Variants in YPEL1 observed in about 807,000 individuals in gnomAD.
The protein encoded by YPEL1 is protein yippee-like 1.
Under a neutral mutation model 17.3 loss-of-function variants are expected in YPEL1, and 7 were observed. That is an observed-to-expected ratio of 0.40 (90% CI 0.23 to 0.76). The LOEUF (loss-of-function observed/expected upper bound fraction) is 0.76. YPEL1 is among the 30% of genes least tolerant of loss of function. YPEL1 has a pLI of 0.35. For synonymous variants in YPEL1, 59 were observed against 59.6 expected (o/e 0.99, Z 0.05); for missense variants, 91 against 155.5 (o/e 0.59, Z 2.21).
intron 2 of YPEL1, among the ~76,000 whole-genome samples, chr22:21,706,619 G>T (rs1366929592): frequency 6.6e-6 from 1 of 151,804 alleles, no homozygotes; most frequent in Non-Finnish European, 1.5e-5. Flanking sequence ...GCCAGGGTGG[G>T]TGGATCACCT....
At chr22:21,716,836 C>G (rs886954934) in intron 1 of YPEL1, among the ~76,000 whole-genome samples, 2 of 152,210 alleles carry the variant, frequency 1.3e-5, no homozygotes, top group African/African-American at 4.8e-5. Flanking sequence ...CTCAACATCT[C>G]AAAGACCTGA....
Position 21,703,537 on chromosome 22 carries a change from C to A in YPEL1, c.162-59G>T. 1 of 1,488,552 alleles carries A rather than the reference C, an allele frequency of 6.7e-7. No homozygotes were observed. The highest frequency in any genetic ancestry group is 2.3e-5 in the East Asian group (1 of 43,940). 92.2% of individuals were successfully genotyped at this position (1,488,552 alleles called of 1,614,324 possible). Reference sequence around the variant, plus strand: ...CCGGCCCGCCCCTGACCAGGCCCTGCCCCCTCAGCGGGCCCCACCCCATCC... The same window carrying A: ...CCGGCCCGCCCCTGACCAGGCCCTGACCCCTCAGCGGGCCCCACCCCATCC... On this transcript the variant is annotated intron_variant, in intron 3 of 4. Coordinates refer to ENST00000339468, the MANE Select transcript of YPEL1 (RefSeq NM_013313.5). The surrounding 1 kb of genome is among the most constrained non-coding windows in gnomAD (Gnocchi z 6.1).
At chr22:21,708,875 G>C (rs1262351920) in intron 2 of YPEL1, among the ~76,000 whole-genome samples, 1 of 150,704 alleles carries the variant, frequency 6.6e-6, no homozygotes, top group African/African-American at 2.4e-5. Context: ...CTCCATGTTG[G>C]TCAGGCTGGT....
intron 2 of YPEL1, among the ~76,000 whole-genome samples, chr22:21,710,260 T>A (rs1368091993): frequency 1.3e-5 from 2 of 152,186 alleles, no homozygotes; most frequent in East Asian, 3.8e-4. Flanking sequence ...GCTGAGTTTT[T>A]AAAATGTCTT....
Position 21,703,438 on chromosome 22 carries a change from G to C in YPEL1, c.202C>G (p.Leu68Val). The C allele has an allele frequency of 6.2e-7, 1 of 1,612,710 alleles. No homozygotes were observed. The highest frequency in any genetic ancestry group is 1.1e-5 in the South Asian group (1 of 91,080). The change falls in exon 4 of 5, where the codon CTC (leucine) becomes GTC (valine). Residue 68 changes from leucine (L) to valine (V), a missense_variant. By Grantham distance (32) the Leu-to-Val change is conservative. Transcript: ENST00000339468. The surrounding 1 kb of genome is among the most constrained non-coding windows in gnomAD (Gnocchi z 6.1). ...TCGGCAACCGCATGCAGCCCGGTGAGAAGGACCCTCTCCTCTGCAGGGCCG... is the reference window on the plus strand; with the variant it reads ...TCGGCAACCGCATGCAGCCCGGTGACAAGGACCCTCTCCTCTGCAGGGCCG... ...GCGPAEERVLLTGLHAVADIY... is the reference protein window; with the variant it reads ...GCGPAEERVLVTGLHAVADIY...
intron 2 of YPEL1, among the ~76,000 whole-genome samples, chr22:21,707,139 C>T (rs2068123509): frequency 1.3e-5 from 2 of 152,088 alleles, no homozygotes; most frequent in Admixed American, 6.6e-5. Context: ...TTAAAAGGAC[C>T]TGGCACAGTG....
At chr22:21,705,304 G>A (rs1363132545) in intron 2 of YPEL1, among the ~76,000 whole-genome samples, 2 of 152,142 alleles carry the variant, frequency 1.3e-5, no homozygotes, top group African/African-American at 4.8e-5. Context: ...AATGGAGGCT[G>A]TCATTTAAAA....
intron 1 of YPEL1, among the ~76,000 whole-genome samples, chr22:21,722,641 G>C (rs1324766476): frequency 2.0e-5 from 3 of 151,668 alleles, no homozygotes; most frequent in Non-Finnish European, 4.4e-5. Context: ...AACAAAACAA[G>C]TGGCCATTTG....
At chr22:21,701,937 G>C (rs1336059665) in intron 4 of YPEL1, among the ~76,000 whole-genome samples, 4 of 152,166 alleles carry the variant, frequency 2.6e-5, no homozygotes, top group Non-Finnish European at 5.9e-5. Flanking sequence ...TGTAGTCCCA[G>C]GTACTTGGGA....
intron 2 of YPEL1, among the ~76,000 whole-genome samples, chr22:21,708,051 G>A (rs1478708146): frequency 6.6e-6 from 1 of 152,040 alleles, no homozygotes; most frequent in African/African-American, 2.4e-5. Context: ...TACAAACTTA[G>A]AGGCTGTGAA....
chr22:21,703,550 C>A lies in YPEL1; in HGVS notation c.162-72G>T. 1.4e-6 allele frequency: 2 copies of A among 1,388,578 alleles called. No homozygotes were observed. The allele number at this position is 1,388,578 out of a possible 1,614,324, so 86.0% of individuals were successfully genotyped here. ...GACCAGGCCCTGCCCCCTCAGCGGGCCCCACCCCATCCTCCTAAGAGTTCC... is the reference window on the plus strand; with the variant it reads ...GACCAGGCCCTGCCCCCTCAGCGGGACCCACCCCATCCTCCTAAGAGTTCC... On this transcript the variant is annotated intron_variant, in intron 3 of 4. Coordinates refer to ENST00000339468, the MANE Select transcript of YPEL1 (RefSeq NM_013313.5). This position sits in a 1 kb window ranked among gnomAD's most constrained non-coding sequence, Gnocchi z 6.1.
chr22:21,724,078 T>C lies in YPEL1; in HGVS notation c.-165+11537A>G, dbSNP rs118049714. On this transcript the variant is annotated intron_variant, in intron 1 of 4. Transcript: ENST00000339468. ...CTTGAGATGGCAAAAGGATCTTCCA[T>C]TGAGTGAAAAGTGAGTCTCCCATCC... Among the ~76,000 whole-genome samples the C allele has an allele frequency of 4.2e-3, 641 of 152,272 alleles. 7 individuals carry two copies. Among genetic ancestry groups the C allele is most frequent in the Non-Finnish European group, 5.7e-3 (391 of 68,020 alleles).
chr22:21,708,152 G>A (rs766951180), intron 2 of YPEL1, among the ~76,000 whole-genome samples: 4 of 151,942 alleles, frequency 2.6e-5, no homozygotes, highest in Admixed American at 1.3e-4. Context: ...GAATCACCAC[G>A]GAAGGGAGAA....
At position 21,703,904 on chromosome 22, in the gene YPEL1, A is replaced by T; in HGVS notation, c.118-22T>A. ...AGGACTGAAAGAAGAAGGTCCCGTG[A>T]GATTGGCTGCGAGTGCTTTCTGGAA... On this transcript the variant is annotated intron_variant, in intron 2 of 4. Transcript: ENST00000339468. The surrounding 1 kb of genome is among the most constrained non-coding windows in gnomAD (Gnocchi z 6.1). 1.3e-6 allele frequency: 2 copies of T among 1,583,394 alleles called. No homozygotes were observed. Among genetic ancestry groups the T allele is most frequent in the Non-Finnish European group, 8.6e-7 (1 of 1,165,368 alleles).
Position 21,703,910 on chromosome 22 carries a change from G to A in YPEL1, c.118-28C>T. On this transcript the variant is annotated intron_variant, in intron 2 of 4. Transcript: ENST00000339468. The surrounding 1 kb of genome is among the most constrained non-coding windows in gnomAD (Gnocchi z 6.1). Reference sequence around the variant, plus strand: ...GAAAGAAGAAGGTCCCGTGAGATTGGCTGCGAGTGCTTTCTGGAACGAAGC... The same window carrying A: ...GAAAGAAGAAGGTCCCGTGAGATTGACTGCGAGTGCTTTCTGGAACGAAGC... The A allele has an allele frequency of 1.3e-6, 2 of 1,576,222 alleles. No homozygotes were observed. Among genetic ancestry groups the A allele is most frequent in the Non-Finnish European group, 1.7e-6 (2 of 1,161,480 alleles).
At chr22:21,716,053 C>G (rs572596818) in intron 1 of YPEL1, among the ~76,000 whole-genome samples, 188 of 152,238 alleles carry the variant, frequency 1.2e-3, no homozygotes, top group Middle Eastern at 6.8e-3. Context: ...TGAGCCACTG[C>G]GCCTGGCCCT....
chr22:21,709,052 G>A (rs894883349), intron 2 of YPEL1, among the ~76,000 whole-genome samples: 1 of 151,234 alleles, frequency 6.6e-6, no homozygotes, highest in African/African-American at 2.4e-5. Context: ...TGACCATGTA[G>A]CAAGGAACAC....
At chr22:21,704,916 C>T (rs62235104) in intron 2 of YPEL1, among the ~76,000 whole-genome samples, 1 of 152,150 alleles carries the variant, frequency 6.6e-6, no homozygotes, top group African/African-American at 2.4e-5. Context: ...CCTCAAGTCT[C>T]AATCGACCTC....
intron 1 of YPEL1, among the ~76,000 whole-genome samples, chr22:21,726,336 G>A (rs1186139336): frequency 6.6e-6 from 1 of 152,208 alleles, no homozygotes; most frequent in Non-Finnish European, 1.5e-5. Context: ...AAAGACAGGC[G>A]TTTGCCCTTT....
Sources: gnomAD v4.1 joint callset for allele counts (sites outside exome capture counted in the v4.1 genomes callset) on GRCh38, gnomAD v4.1.1 for gene constraint, Gnocchi (gnomAD v3.1) non-coding constraint, MANE v1.5 for transcripts, NCBI Gene and HGNC (gene_info 2026-07-23, HGNC 2026-07-21) for gene names.